LINGO2: variants seen among roughly 807,000 people sequenced by gnomAD.
LINGO2 encodes the protein leucine-rich repeat and immunoglobulin-like domain-containing nogo receptor-interacting protein 2.
Under a neutral mutation model 30.6 loss-of-function variants are expected in LINGO2, and 14 were observed. That is an observed-to-expected ratio of 0.46 (90% CI 0.30 to 0.72). The LOEUF is 0.72. Among genes scored for constraint, LINGO2 ranks in the 30% least tolerant of loss-of-function variants. The pLI, the probability that LINGO2 is intolerant of heterozygous loss-of-function variation, is 0.07. For synonymous variants in LINGO2, 317 were observed against 288.5 expected (o/e 1.10, Z -1.00); for missense variants, 729 against 751.7 (o/e 0.97, Z 0.35).
At chr9:28,689,955 G>T in the LINGO2 span, among the ~76,000 whole-genome samples, 1 of 152,096 alleles carries the variant, frequency 6.6e-6, no homozygotes, top group African/African-American at 2.4e-5. Flanking sequence ...ATTATCCTCA[G>T]CAAACCAATG....
the LINGO2 span, among the ~76,000 whole-genome samples, chr9:28,851,019 GT>G: frequency 6.6e-6 from 1 of 151,974 alleles, no homozygotes; most frequent in Non-Finnish European, 1.5e-5. Context: ...CCTTAAGAGT[GT>G]GCAAAAAGAT....
intron 5 of LINGO2, among the ~76,000 whole-genome samples, chr9:27,983,522 A>G (rs984795749): frequency 6.6e-6 from 1 of 151,908 alleles, no homozygotes; most frequent in African/African-American, 2.4e-5. Flanking sequence ...ATGCAAAAGC[A>G]TATAAAGACA....
chr9:28,444,105 C>G (rs146184407), intron 2 of LINGO2, among the ~76,000 whole-genome samples: 157 of 152,304 alleles, frequency 1.0e-3, no homozygotes, highest in African/African-American at 3.6e-3. Context: ...CAATAAAGTT[C>G]CTCTCTGCCA....
chr9:28,684,873 G>A, the LINGO2 span, among the ~76,000 whole-genome samples: 2 of 152,010 alleles, frequency 1.3e-5, no homozygotes, highest in African/African-American at 4.8e-5. Flanking sequence ...GTGCACGTTT[G>A]TTATACAGGT....
At chr9:28,338,298 C>T (rs1017202956) in intron 3 of LINGO2, among the ~76,000 whole-genome samples, 1 of 152,178 alleles carries the variant, frequency 6.6e-6, no homozygotes, top group Non-Finnish European at 1.5e-5. Flanking sequence ...CCATTTGGAA[C>T]AGGTGTATTT....
At chr9:29,120,546 A>G in the LINGO2 span, among the ~76,000 whole-genome samples, 1 of 152,088 alleles carries the variant, frequency 6.6e-6, no homozygotes, top group African/African-American at 2.4e-5. Context: ...GTCCAACTCT[A>G]TTTTTCTTCC....
chr9:29,031,858 G>A, the LINGO2 span, among the ~76,000 whole-genome samples: 1 of 152,128 alleles, frequency 6.6e-6, no homozygotes, highest in African/African-American at 2.4e-5. Context: ...AAAAGAGAGT[G>A]AGATATATTT....
At chr9:28,459,270 T>TA (rs5897302) in intron 2 of LINGO2, among the ~76,000 whole-genome samples, 54 of 147,944 alleles carry the variant, frequency 3.7e-4, no homozygotes, top group African/African-American at 5.7e-4. Context: ...GGAGAAAACT[T>TA]AAAAAAAAAA....
intron 4 of LINGO2, among the ~76,000 whole-genome samples, chr9:28,101,263 A>T (rs1286617187): frequency 1.3e-5 from 2 of 152,106 alleles, no homozygotes; most frequent in African/African-American, 4.8e-5. Flanking sequence ...TGTCCATCCT[A>T]GATCAAAATC....
the LINGO2 span, among the ~76,000 whole-genome samples, chr9:28,825,268 T>TATAGTAGGAAGTCTATA: frequency 2.0e-5 from 3 of 151,948 alleles, no homozygotes; most frequent in Admixed American, 2.0e-4. Flanking sequence ...TGTCTATAAC[T>TATAGTAGGAAGTCTATA]GAGTGAAGCT....
chr9:28,665,470 T>TA (rs1828764414), intron 1 of LINGO2, among the ~76,000 whole-genome samples: 1 of 152,122 alleles, frequency 6.6e-6, no homozygotes, highest in Non-Finnish European at 1.5e-5. Context: ...TGAGTTGCCC[T>TA]AAAAAACCTT....
At chr9:28,903,572 C>G in the LINGO2 span, among the ~76,000 whole-genome samples, 2 of 152,058 alleles carry the variant, frequency 1.3e-5, no homozygotes, top group Admixed American at 1.3e-4. Flanking sequence ...AACTCCTGGG[C>G]TCAAGGAATC....
rs2134920984 is a variant in LINGO2 at position 28,427,319 on chromosome 9, C to T, written c.-279+48621G>A. Among the ~76,000 whole-genome samples the T allele has an allele frequency of 2.0e-5, 3 of 152,202 alleles. 1 individual carries two copies. In the South Asian group the frequency reaches 6.2e-4, roughly 32 times the overall value. ...GTTTCTTGCAAGTGGTCCAGCCCAC[C>T]TGCTCTCACACATGTTCCTGCTTAA... On this transcript the variant is annotated intron_variant, in intron 2 of 5. Coordinates refer to ENST00000379992, the Ensembl canonical transcript of LINGO2.
chr9:28,439,978 G>T (rs1824125560), intron 2 of LINGO2, among the ~76,000 whole-genome samples: 1 of 152,114 alleles, frequency 6.6e-6, no homozygotes, highest in South Asian at 2.1e-4. Flanking sequence ...GTACATGCCA[G>T]TAGCAAACTA....
chr9:28,301,172 T>G (rs1824126757), intron 3 of LINGO2, among the ~76,000 whole-genome samples: 1 of 152,024 alleles, frequency 6.6e-6, no homozygotes, highest in African/African-American at 2.4e-5. Flanking sequence ...GAAAGTAAGC[T>G]TAGACTAAGG....
Position 28,199,011 on chromosome 9 carries a change from C to T in LINGO2, c.-87+96197G>A, listed in dbSNP as rs142925513. On this transcript the variant is annotated intron_variant, in intron 4 of 5. Coordinates refer to ENST00000379992, the Ensembl canonical transcript of LINGO2. ...GGAAGATTTGCTTAGAATGTTATTACGAAGATTTCCTAGATAATTTCTTTT... is the reference window on the plus strand; with the variant it reads ...GGAAGATTTGCTTAGAATGTTATTATGAAGATTTCCTAGATAATTTCTTTT... Among the ~76,000 whole-genome samples, 25 of 151,604 alleles carry T rather than the reference C, an allele frequency of 1.6e-4. No homozygotes were observed. In the East Asian group the frequency reaches 1.7e-3, roughly 11 times the overall value.
chr9:29,155,465 C>T, the LINGO2 span, among the ~76,000 whole-genome samples: 1 of 151,826 alleles, frequency 6.6e-6, no homozygotes, highest in African/African-American at 2.4e-5. Flanking sequence ...AATTCTCTCC[C>T]ACAAGTTTCC....
intron 1 of LINGO2, among the ~76,000 whole-genome samples, chr9:28,584,229 T>C (rs536148670): frequency 8.5e-4 from 129 of 152,214 alleles, no homozygotes; most frequent in Admixed American, 1.1e-3. Flanking sequence ...ATTTATACTG[T>C]TCACACTGAG....
At chr9:28,107,067 T>C (rs1826616212) in intron 4 of LINGO2, among the ~76,000 whole-genome samples, 1 of 152,174 alleles carries the variant, frequency 6.6e-6, no homozygotes, top group South Asian at 2.1e-4. Context: ...CTTCTTTGTT[T>C]TTCGGATCTC....
Sources: gnomAD v4.1 joint callset for allele counts (sites outside exome capture counted in the v4.1 genomes callset) on GRCh38, gnomAD v4.1.1 for gene constraint, MANE v1.5 for transcripts, NCBI Gene and HGNC (gene_info 2026-07-23, HGNC 2026-07-21) for gene names.